The following FHIT variants were observed in gnomAD, a reference collection of about 807,000 sequenced individuals.
FHIT encodes fragile histidine triad diadenosine triphosphatase.
Under a neutral mutation model 17.9 loss-of-function variants are expected in FHIT, and 19 were observed. The ratio of observed to expected loss-of-function variants is 1.06; its 90% CI spans 0.74 to 1.56. The LOEUF is 1.56. FHIT is among the 40% of genes most tolerant of loss of function. FHIT has a pLI of 0.00. For synonymous variants in FHIT, 81 were observed against 69.7 expected (o/e 1.16, Z -0.81); for missense variants, 248 against 189.2 (o/e 1.31, Z -1.82).
At chr3:60,177,514 A>G (rs1701734614) in intron 5 of FHIT, among the ~76,000 whole-genome samples, 1 of 152,236 alleles carries the variant, frequency 6.6e-6, no homozygotes, top group Non-Finnish European at 1.5e-5. Context: ...CCCTTCGCAT[A>G]GAAGTAGGTC....
chr3:59,868,047 T>TTAA (rs397964099), intron 8 of FHIT, among the ~76,000 whole-genome samples: 182 of 111,356 alleles, frequency 1.6e-3, no homozygotes, highest in African/African-American at 5.5e-3. Flanking sequence ...TTTTTTTTTT[T>TTAA]AAAAAAAAAA....
intron 4 of FHIT, among the ~76,000 whole-genome samples, chr3:60,561,543 C>G (rs1266924894): frequency 1.3e-5 from 2 of 151,972 alleles, no homozygotes; most frequent in Non-Finnish European, 2.9e-5. Flanking sequence ...CAATAGTCAT[C>G]TGGGCAGGGG....
At chr3:60,495,478 A>C (rs1047932696) in intron 5 of FHIT, among the ~76,000 whole-genome samples, 1 of 152,136 alleles carries the variant, frequency 6.6e-6, no homozygotes, top group African/African-American at 2.4e-5. Context: ...TTTTACTCCC[A>C]GATTTTTCCA....
intron 5 of FHIT, among the ~76,000 whole-genome samples, chr3:60,283,637 A>G (rs1012421957): frequency 5.9e-5 from 9 of 152,096 alleles, no homozygotes; most frequent in Admixed American, 5.9e-4. Flanking sequence ...CTACATGTAA[A>G]TAAGTCTGCA....
intron 2 of FHIT, among the ~76,000 whole-genome samples, chr3:61,051,855 T>C (rs1023122542): frequency 1.3e-5 from 2 of 152,204 alleles, no homozygotes; most frequent in African/African-American, 4.8e-5. Flanking sequence ...GGGCAAAAGT[T>C]ACACTGCATC....
intron 8 of FHIT, among the ~76,000 whole-genome samples, chr3:59,859,179 T>C (rs1478368728): frequency 2.6e-5 from 4 of 152,212 alleles, no homozygotes; most frequent in Non-Finnish European, 5.9e-5. Context: ...TGGGGAGATC[T>C]GGCAAGTACC....
intron 3 of FHIT, among the ~76,000 whole-genome samples, chr3:60,955,633 TACAC>T (rs1553778443): frequency 1.0e-4 from 4 of 39,492 alleles, no homozygotes; most frequent in African/African-American, 2.4e-4. Flanking sequence ...TATATATATA[TACAC>T]ACACACACAT....
chr3:59,954,290 G>T (rs1029426604), intron 7 of FHIT, among the ~76,000 whole-genome samples: 2 of 141,494 alleles, frequency 1.4e-5, no homozygotes, highest in African/African-American at 5.4e-5. Flanking sequence ...GATTCATTCA[G>T]GCTTGGGTCT....
chr3:60,286,378 T>C (rs1018439048), intron 5 of FHIT, among the ~76,000 whole-genome samples: 3 of 152,212 alleles, frequency 2.0e-5, no homozygotes, highest in African/African-American at 7.2e-5. Context: ...CAAACAAATG[T>C]ATTTTTGTTA....
rs1392836103 is a variant in FHIT at position 61,098,909 on chromosome 3, A to C, written c.-163-56810T>G. Among the ~76,000 whole-genome samples, 4 of 151,968 alleles carry C rather than the reference A, an allele frequency of 2.6e-5. No homozygotes were observed. The East Asian group carries it at 7.7e-4, about 29-fold the overall frequency. Reference sequence around the variant, plus strand: ...TGTCACCTGCATTTGAATGCACTTTATTTCTTTATCTTGCCTGATTGCCCT... The same window carrying C: ...TGTCACCTGCATTTGAATGCACTTTCTTTCTTTATCTTGCCTGATTGCCCT... On this transcript the variant is annotated intron_variant, in intron 2 of 9. Transcript: ENST00000492590.
chr3:60,065,620 C>T (rs1702466963), intron 5 of FHIT, among the ~76,000 whole-genome samples: 1 of 152,156 alleles, frequency 6.6e-6, no homozygotes, highest in Non-Finnish European at 1.5e-5. Context: ...AAAGTGAGAC[C>T]TAATCAGTTA....
At chr3:60,909,418 AT>A (rs1285389336) in intron 3 of FHIT, among the ~76,000 whole-genome samples, 4 of 151,704 alleles carry the variant, frequency 2.6e-5, no homozygotes, top group African/African-American at 9.7e-5. Flanking sequence ...GGCAGCTGCC[AT>A]ACAGAATGAG....
intron 2 of FHIT, among the ~76,000 whole-genome samples, chr3:61,137,150 CTT>C (rs1470702036): frequency 2.0e-5 from 3 of 152,022 alleles, no homozygotes; most frequent in East Asian, 1.9e-4. Context: ...ACTGCAGACT[CTT>C]TGTGGCACAG....
chr3:59,884,463 G>A (rs1356573477), intron 8 of FHIT, among the ~76,000 whole-genome samples: 2 of 152,010 alleles, frequency 1.3e-5, no homozygotes, highest in African/African-American at 4.8e-5. Context: ...GTGTATCTCA[G>A]CAAAAACTGA....
At chr3:59,865,997 A>T (rs9823263) in intron 8 of FHIT, among the ~76,000 whole-genome samples, 4,391 of 152,302 alleles carry the variant, frequency 0.029, 195 homozygotes, top group African/African-American at 0.099. Flanking sequence ...TGGCACATGA[A>T]ATATGGTTCT....
chr3:60,572,322 A>G (rs1559549821), intron 4 of FHIT, among the ~76,000 whole-genome samples: 1 of 150,194 alleles, frequency 6.7e-6, no homozygotes, highest in Non-Finnish European at 1.5e-5. Flanking sequence ...GTTCATATAT[A>G]TAATTCTTTC....
intron 5 of FHIT, among the ~76,000 whole-genome samples, chr3:60,325,660 C>T (rs1048748635): frequency 6.6e-6 from 1 of 152,102 alleles, no homozygotes. Context: ...AGCTAAATTT[C>T]TACAGTACAA....
At chr3:60,359,277 C>CTTTTTTTTTTT (rs71089599) in intron 5 of FHIT, among the ~76,000 whole-genome samples, 2 of 109,918 alleles carry the variant, frequency 1.8e-5, no homozygotes, top group African/African-American at 7.0e-5. Context: ...ATGAAAATAT[C>CTTTTTTTTTTT]TTTTTTTTTT....
intron 5 of FHIT, among the ~76,000 whole-genome samples, chr3:60,402,502 C>A (rs2107194170): frequency 6.6e-6 from 1 of 152,272 alleles, no homozygotes; most frequent in South Asian, 2.1e-4. Context: ...TACACTAATT[C>A]TAAAAACTGC....
Sources: gnomAD v4.1 joint callset for allele counts (sites outside exome capture counted in the v4.1 genomes callset) on GRCh38, gnomAD v4.1.1 for gene constraint, MANE v1.5 for transcripts, NCBI Gene and HGNC (gene_info 2026-07-23, HGNC 2026-07-21) for gene names.